The following CACHD1 variants were observed in gnomAD, a reference collection of about 807,000 sequenced individuals.
CACHD1 encodes the protein cache domain containing 1.
Under a neutral mutation model 138.7 loss-of-function variants are expected in CACHD1, and 71 were observed. The ratio of observed to expected loss-of-function variants is 0.51; its 90% CI spans 0.42 to 0.62. The LOEUF is 0.62. CACHD1 is among the 20% of genes least tolerant of loss of function. CACHD1 has a pLI of 0.00. For synonymous variants in CACHD1, 578 were observed against 591.5 expected (o/e 0.98, Z 0.33); for missense variants, 1,389 against 1,625.3 (o/e 0.85, Z 2.50).
chr1:64,527,065 A>G (rs1646545562), intron 1 of CACHD1, among the ~76,000 whole-genome samples: 1 of 152,214 alleles, frequency 6.6e-6, no homozygotes, highest in Non-Finnish European at 1.5e-5. Context: ...GAGAGAATAT[A>G]GGGAGTTAAA....
At chr1:64,585,018 A>G (rs1295156727) in intron 3 of CACHD1, among the ~76,000 whole-genome samples, 1 of 152,204 alleles carries the variant, frequency 6.6e-6, no homozygotes, top group Admixed American at 6.5e-5. Context: ...ACAAAAATAT[A>G]TATAATATAA....
chr1:64,657,274 AG>A (rs1557542935), intron 12 of CACHD1, among the ~76,000 whole-genome samples: 1 of 152,216 alleles, frequency 6.6e-6, no homozygotes, highest in East Asian at 1.9e-4. Context: ...CTTTTAATGT[AG>A]AGACTATTTT....
chr1:64,501,220 C>T (rs560910473), intron 1 of CACHD1, among the ~76,000 whole-genome samples: 1 of 152,220 alleles, frequency 6.6e-6, no homozygotes, highest in Admixed American at 6.5e-5. Flanking sequence ...GAGGAAAGTG[C>T]AATGAACTTA....
At chr1:64,592,483 G>A (rs1370193790) in intron 3 of CACHD1, among the ~76,000 whole-genome samples, 4 of 152,176 alleles carry the variant, frequency 2.6e-5, no homozygotes, top group African/African-American at 4.8e-5. Flanking sequence ...CAAAGGCCTC[G>A]TAATGCTCAA....
chr1:64,611,361 A>T (rs942021690), intron 4 of CACHD1, among the ~76,000 whole-genome samples: 4 of 152,094 alleles, frequency 2.6e-5, no homozygotes, highest in Non-Finnish European at 5.9e-5. Context: ...CATGCTGCAC[A>T]TTTTCCAAAA....
intron 10 of CACHD1, 43 bp downstream of exon 10, chr1:64,652,353 C>G (rs780997241): frequency 6.6e-7 from 1 of 1,525,346 alleles, no homozygotes; most frequent in Non-Finnish European, 8.9e-7. Context: ...TTTTTAGAAA[C>G]CTAAAGAAAA....
intron 4 of CACHD1, among the ~76,000 whole-genome samples, chr1:64,605,013 C>A (rs1196051972): frequency 6.7e-6 from 1 of 149,122 alleles, no homozygotes. Flanking sequence ...GTCACCCAGG[C>A]TGGAGTGCAG....
In CACHD1 at chr1:64,673,239, G is replaced by A. The variant is rs1480072274; in HGVS notation, c.2592G>A (p.Gln864=). The A allele has an allele frequency of 5.0e-6, 8 of 1,613,994 alleles. No individual in the cohort carries two copies. The highest frequency in any genetic ancestry group is 6.8e-6 in the Non-Finnish European group (8 of 1,180,012). The stretch of plus-strand genomic sequence containing the variant: ...CCAAAGGACATGCACCTGTGGAGCA[G>A]CAGCACATCACCCACAAGGTATTTG... ...IDPKGHAPVE[Q]QHITHKEPLV... The change falls in exon 18 of 27, where the codon CAG becomes CAA. Residue 864 remains glutamine, a synonymous_variant. Transcript: ENST00000651257.
At chr1:64,523,828 C>G (rs1000190623) in intron 1 of CACHD1, among the ~76,000 whole-genome samples, 1 of 12,228 alleles carries the variant, frequency 8.2e-5, no homozygotes. Flanking sequence ...ATATTCTTTT[C>G]CAATGATTGT....
chr1:64,605,121 C>T (rs941539566), intron 4 of CACHD1, among the ~76,000 whole-genome samples: 6 of 151,582 alleles, frequency 4.0e-5, no homozygotes, highest in South Asian at 2.1e-4. Context: ...CACCCACCAC[C>T]GACCGGCTAA....
intron 9 of CACHD1, among the ~76,000 whole-genome samples, chr1:64,650,739 G>A (rs898372915): frequency 2.0e-5 from 3 of 152,082 alleles, no homozygotes; most frequent in Non-Finnish European, 4.4e-5. Flanking sequence ...CCCTTTCCTG[G>A]GGGTTTCTAG....
Position 64,643,036 on chromosome 1 carries a change from TAAAAAAAAAAA to T in CACHD1, c.1156+1092_1156+1102del, listed in dbSNP as rs139320316. On this transcript the variant is annotated intron_variant, in intron 8 of 26. Transcript: ENST00000651257. ...CCTGGTGACAGAGCAAGACTCTGTC[TAAAAAAAAAAA>T]AAAAAAAAAAAAAAAAAAAAAAAAG... Among the ~76,000 whole-genome samples, 26 of 33,350 alleles carry T rather than the reference TAAAAAAAAAAA, an allele frequency of 7.8e-4. No homozygotes were observed. In the East Asian group the frequency reaches 0.03, roughly 38 times the overall value. The allele number at this position is 33,350 out of a possible 152,430, so 21.9% of individuals were successfully genotyped here. A position where few individuals can be genotyped will look rare whatever the true frequency, so the allele number is the denominator to read the frequency against.
intron 26 of CACHD1, among the ~76,000 whole-genome samples, chr1:64,687,907 G>T (rs1570487031): frequency 6.6e-6 from 1 of 152,130 alleles, no homozygotes; most frequent in East Asian, 1.9e-4. Flanking sequence ...CTAATGAATA[G>T]ATAGCCTTAT....
chr1:64,628,201 A>G (rs1259588825), intron 4 of CACHD1, among the ~76,000 whole-genome samples: 1 of 152,218 alleles, frequency 6.6e-6, no homozygotes, highest in Non-Finnish European at 1.5e-5. Flanking sequence ...ATTTGATCAC[A>G]TGGGTGTTTA....
chr1:64,642,172 T>C (rs1397465436), intron 8 of CACHD1, among the ~76,000 whole-genome samples: 1 of 152,226 alleles, frequency 6.6e-6, no homozygotes, highest in Non-Finnish European at 1.5e-5. Flanking sequence ...TCCAGTGAAC[T>C]GCTTGTTTCT....
chr1:64,614,727 C>A (rs1285639974), intron 4 of CACHD1, among the ~76,000 whole-genome samples: 1 of 152,182 alleles, frequency 6.6e-6, no homozygotes, highest in Non-Finnish European at 1.5e-5. Context: ...GTCCTCTATT[C>A]ATTGAAAAGG....
chr1:64,567,983 C>T (rs945110403), intron 2 of CACHD1, among the ~76,000 whole-genome samples: 1 of 152,164 alleles, frequency 6.6e-6, no homozygotes, highest in East Asian at 1.9e-4. Context: ...TAGGAGGAAG[C>T]GCGTTATATT....
At chr1:64,683,010 G>T (rs1650242223) in intron 26 of CACHD1, among the ~76,000 whole-genome samples, 1 of 150,170 alleles carries the variant, frequency 6.7e-6, no homozygotes, top group African/African-American at 2.5e-5. Context: ...TTTTGACTTA[G>T]CTTTTTCCAC....
At chr1:64,477,601 T>TTAG (rs1646181440) in intron 1 of CACHD1, among the ~76,000 whole-genome samples, 1 of 144,046 alleles carries the variant, frequency 6.9e-6, no homozygotes, top group Non-Finnish European at 1.5e-5. Context: ...ATTATTATTA[T>TTAG]TATTATTATT....
Sources: gnomAD v4.1 joint callset for allele counts (sites outside exome capture counted in the v4.1 genomes callset) on GRCh38, gnomAD v4.1.1 for gene constraint, MANE v1.5 for transcripts, NCBI Gene and HGNC (gene_info 2026-07-23, HGNC 2026-07-21) for gene names.